Variants in DLG2 observed in about 807,000 individuals in gnomAD.
The protein encoded by DLG2 is disks large homolog 2.
In DLG2, 45 loss-of-function variants were observed where a neutral mutation model predicts 132.5. The ratio of observed to expected loss-of-function variants is 0.34; its 90% CI spans 0.27 to 0.44. DLG2 has a LOEUF of 0.44. Among genes scored for constraint, DLG2 ranks in the 20% least tolerant of loss-of-function variants. The pLI is 1.00. For synonymous variants in DLG2, 424 were observed against 419.6 expected (o/e 1.01, Z -0.13); for missense variants, 1,045 against 1,196.9 (o/e 0.87, Z 1.87).
chr11:84,766,631 C>T (rs902789570), intron 6 of DLG2, among the ~76,000 whole-genome samples: 2 of 152,042 alleles, frequency 1.3e-5, no homozygotes, highest in Non-Finnish European at 2.9e-5. Context: ...ACCTGTCTCA[C>T]ATTCAGTTTC....
rs1011861337 is a variant in DLG2 at position 84,699,855 on chromosome 11, G to A, written c.358-165124C>T. ...AGGCAAACCTCATGCACTCATGAAA[G>A]CAGTAAACAGGCTATGTTTGGGAAA... On this transcript the variant is annotated intron_variant, in intron 6 of 27. Coordinates refer to ENST00000376104, the MANE Select transcript of DLG2 (RefSeq NM_001142699.3). Among the ~76,000 whole-genome samples the A allele has an allele frequency of 2.0e-5, 3 of 151,696 alleles. No individual in the cohort carries two copies. The South Asian group carries it at 6.2e-4, about 32-fold the overall frequency.
intron 3 of DLG2, among the ~76,000 whole-genome samples, chr11:85,448,547 T>C (rs1347589781): frequency 6.6e-6 from 1 of 152,196 alleles, no homozygotes; most frequent in African/African-American, 2.4e-5. Context: ...TTTCTTTGAA[T>C]GCCTACTGCT....
At chr11:83,708,447 A>C (rs1010082652) in intron 18 of DLG2, among the ~76,000 whole-genome samples, 2 of 152,216 alleles carry the variant, frequency 1.3e-5, no homozygotes, top group Non-Finnish European at 2.9e-5. Context: ...ATCTGACTGT[A>C]AACAAAGAGG....
chr11:85,476,030 G>A (rs901163421), intron 3 of DLG2, among the ~76,000 whole-genome samples: 8 of 152,142 alleles, frequency 5.3e-5, no homozygotes, highest in South Asian at 2.1e-4. Context: ...GAAACATATC[G>A]TTGGGCAATT....
intron 7 of DLG2, among the ~76,000 whole-genome samples, chr11:84,491,529 G>A (rs970740437): frequency 2.6e-5 from 4 of 152,116 alleles, no homozygotes; most frequent in Non-Finnish European, 5.9e-5. Flanking sequence ...CAAGATGGAC[G>A]CATTTTCTAG....
chr11:84,751,530 G>C (rs1307817229), intron 6 of DLG2, among the ~76,000 whole-genome samples: 2 of 151,994 alleles, frequency 1.3e-5, no homozygotes, highest in African/African-American at 4.8e-5. Context: ...GACGTACATG[G>C]AAGAAATCAC....
intron 6 of DLG2, among the ~76,000 whole-genome samples, chr11:84,849,592 T>C (rs1318061988): frequency 6.6e-6 from 1 of 152,168 alleles, no homozygotes; most frequent in Non-Finnish European, 1.5e-5. Flanking sequence ...TCTTGAATTA[T>C]TTCTCATCAT....
rs145783453 is a variant in DLG2, at chr11:84,706,876, G to A, written c.358-172145C>T. Among the ~76,000 whole-genome samples the A allele has an allele frequency of 5.8e-3, 882 of 151,772 alleles. 7 individuals carry two copies. The highest frequency in any genetic ancestry group is 0.018 in the African/African-American group (750 of 41,464). Reference sequence around the variant, plus strand: ...ACTAAGTAAACATTGTCAATTAAACGTAAATACAAAAAGTTAACCTAACAA... The same window carrying A: ...ACTAAGTAAACATTGTCAATTAAACATAAATACAAAAAGTTAACCTAACAA... On this transcript the variant is annotated intron_variant, in intron 6 of 27. Transcript: ENST00000376104.
chr11:84,119,576 G>A (rs1188573855), intron 9 of DLG2, among the ~76,000 whole-genome samples: 1 of 151,964 alleles, frequency 6.6e-6, no homozygotes, highest in Non-Finnish European at 1.5e-5. Flanking sequence ...TAGTCATGGT[G>A]AGAATTAAAG....
intron 9 of DLG2, among the ~76,000 whole-genome samples, chr11:84,103,410 T>C (rs866698086): frequency 1.3e-5 from 2 of 152,220 alleles, no homozygotes; most frequent in African/African-American, 4.8e-5. Flanking sequence ...AGACCCCTGG[T>C]TGACACTCTT....
chr11:83,949,409 AAATAAG>A (rs1366854673), intron 14 of DLG2, among the ~76,000 whole-genome samples: 6 of 152,158 alleles, frequency 3.9e-5, no homozygotes, highest in African/African-American at 1.4e-4. Context: ...CAACAATAAA[AAATAAG>A]AATTGTTGCT....
At chr11:84,670,489 T>C (rs2099704571) in intron 6 of DLG2, among the ~76,000 whole-genome samples, 1 of 152,166 alleles carries the variant, frequency 6.6e-6, no homozygotes, top group Admixed American at 6.6e-5. Flanking sequence ...GATGCTAGTG[T>C]GTCCACCAGA....
intron 7 of DLG2, among the ~76,000 whole-genome samples, chr11:84,267,638 C>T (rs2097658684): frequency 1.3e-5 from 2 of 152,204 alleles, no homozygotes; most frequent in Admixed American, 1.3e-4. Context: ...GAACTAAGAA[C>T]TGGGAGTTTT....
chr11:83,690,307 A>G (rs1206594120), intron 18 of DLG2, among the ~76,000 whole-genome samples: 1 of 151,430 alleles, frequency 6.6e-6, no homozygotes, highest in East Asian at 1.9e-4. Context: ...ATATCTAGGA[A>G]TTGAAGAAGC....
intron 7 of DLG2, among the ~76,000 whole-genome samples, chr11:84,506,017 T>C (rs540159432): frequency 2.0e-5 from 3 of 151,604 alleles, no homozygotes; most frequent in African/African-American, 4.9e-5. Flanking sequence ...TTAAGGACCT[T>C]GAGATGGCGA....
At chr11:83,827,265 G>C (rs754636245) in intron 17 of DLG2, among the ~76,000 whole-genome samples, 2 of 152,106 alleles carry the variant, frequency 1.3e-5, no homozygotes, top group Non-Finnish European at 2.9e-5. Flanking sequence ...AACAATATAA[G>C]GTGACCTTAT....
intron 5 of DLG2, among the ~76,000 whole-genome samples, chr11:85,136,316 C>T (rs987362761): frequency 1.3e-5 from 2 of 152,138 alleles, no homozygotes; most frequent in South Asian, 2.1e-4. Context: ...GATATAAGTA[C>T]ATAACATTTT....
At chr11:85,335,808 T>A (rs1487529488) in intron 3 of DLG2, among the ~76,000 whole-genome samples, 1 of 151,516 alleles carries the variant, frequency 6.6e-6, no homozygotes, top group Non-Finnish European at 1.5e-5. Context: ...GGTGGGGGAC[T>A]AGGGGAGGGA....
intron 3 of DLG2, among the ~76,000 whole-genome samples, chr11:85,512,276 G>A (rs975786113): frequency 4.6e-5 from 7 of 152,094 alleles, no homozygotes; most frequent in African/African-American, 1.4e-4. Context: ...CTACTAAGGG[G>A]TTCTCATCAT....
Sources: gnomAD v4.1 joint callset for allele counts (sites outside exome capture counted in the v4.1 genomes callset) on GRCh38, gnomAD v4.1.1 for gene constraint, MANE v1.5 for transcripts, NCBI Gene and HGNC (gene_info 2026-07-23, HGNC 2026-07-21) for gene names.